Variants in IMMP2L observed in about 807,000 individuals in gnomAD.
The protein encoded by IMMP2L is inner mitochondrial membrane peptidase subunit 2, also known as mitochondrial inner membrane protease subunit 2.
Under a neutral mutation model 19.3 loss-of-function variants are expected in IMMP2L, and 18 were observed. The ratio of observed to expected loss-of-function variants is 0.93; its 90% CI spans 0.64 to 1.38. IMMP2L has a LOEUF of 1.38. IMMP2L is among the 40% of genes most tolerant of loss of function. The probability of loss-of-function intolerance (pLI) is 0.00; values close to 1 mark genes in which losing one functional copy is unlikely to be tolerated. For missense variants in IMMP2L, 233 were observed against 218.2 expected, an observed-to-expected ratio of 1.07 and a Z score of -0.43; for synonymous variants, 76 against 73.0, an observed-to-expected ratio of 1.04 and a Z score of -0.21.
chr7:111,480,928 C>A (rs567230776), intron 3 of IMMP2L, among the ~76,000 whole-genome samples: 2 of 152,134 alleles, frequency 1.3e-5, no homozygotes, highest in African/African-American at 2.4e-5. Flanking sequence ...GGTCAAGGAA[C>A]CTTTCAAGAT....
chr7:111,211,634 C>T (rs1811321306), intron 3 of IMMP2L, among the ~76,000 whole-genome samples: 1 of 152,106 alleles, frequency 6.6e-6, no homozygotes, highest in African/African-American at 2.4e-5. Flanking sequence ...TATTTGAACA[C>T]AAATTATCAC....
At chr7:111,285,657 A>C (rs904464407) in intron 3 of IMMP2L, among the ~76,000 whole-genome samples, 1 of 152,144 alleles carries the variant, frequency 6.6e-6, no homozygotes, top group Non-Finnish European at 1.5e-5. Flanking sequence ...GACCCTCACC[A>C]ATCAGAATTC....
chr7:110,816,206 C>T (rs1802501162), intron 5 of IMMP2L, among the ~76,000 whole-genome samples: 1 of 152,064 alleles, frequency 6.6e-6, no homozygotes, highest in African/African-American at 2.4e-5. Flanking sequence ...TTTATTTCTG[C>T]CTTCATTTCA....
chr7:110,866,558 C>T (rs928300668), intron 5 of IMMP2L, among the ~76,000 whole-genome samples: 4 of 152,034 alleles, frequency 2.6e-5, no homozygotes, highest in Admixed American at 1.3e-4. Flanking sequence ...CACTGTGAAA[C>T]CTCCCTAGTT....
At chr7:111,215,738 C>T (rs770411704) in intron 3 of IMMP2L, among the ~76,000 whole-genome samples, 3 of 152,112 alleles carry the variant, frequency 2.0e-5, no homozygotes, top group Admixed American at 1.3e-4. Context: ...TCAGAAACTT[C>T]TTTGCTCAAA....
chr7:110,847,840 C>A (rs1204628024), intron 5 of IMMP2L, among the ~76,000 whole-genome samples: 11 of 152,124 alleles, frequency 7.2e-5, no homozygotes, highest in Non-Finnish European at 1.6e-4. Context: ...GCTGGAACAA[C>A]AGGACATCCT....
At chr7:111,093,703 C>T (rs567293694) in intron 3 of IMMP2L, among the ~76,000 whole-genome samples, 3 of 152,130 alleles carry the variant, frequency 2.0e-5, no homozygotes, top group Non-Finnish European at 2.9e-5. Flanking sequence ...TCCAGGCCCC[C>T]GGTGTTGCCA....
intron 5 of IMMP2L, among the ~76,000 whole-genome samples, chr7:110,686,191 C>A (rs944747066): frequency 1.3e-5 from 2 of 152,022 alleles, no homozygotes; most frequent in Non-Finnish European, 2.9e-5. Context: ...TGATCAGTAC[C>A]TGCTAAAAAG....
At chr7:110,885,799 G>A (rs1042196656) in intron 5 of IMMP2L, among the ~76,000 whole-genome samples, 2 of 151,952 alleles carry the variant, frequency 1.3e-5, no homozygotes, top group African/African-American at 4.8e-5. Flanking sequence ...AATTTTTCAT[G>A]TGAAAGATGC....
intron 5 of IMMP2L, among the ~76,000 whole-genome samples, chr7:110,880,905 C>T (rs1422444687): frequency 6.6e-6 from 1 of 151,968 alleles, no homozygotes; most frequent in Non-Finnish European, 1.5e-5. Flanking sequence ...AAAATGAAAT[C>T]ATGTGGAAAA....
chr7:111,258,878 C>G (rs908763019), intron 3 of IMMP2L, among the ~76,000 whole-genome samples: 2 of 151,928 alleles, frequency 1.3e-5, no homozygotes, highest in Non-Finnish European at 2.9e-5. Flanking sequence ...ACTGAATGAC[C>G]ACTAAATGAG....
intron 3 of IMMP2L, among the ~76,000 whole-genome samples, chr7:111,283,992 A>AG (rs1207020927): frequency 6.6e-6 from 1 of 150,844 alleles, no homozygotes; most frequent in African/African-American, 2.4e-5. Flanking sequence ...AAAAAAAAAA[A>AG]AGAGACATGA....
intron 3 of IMMP2L, among the ~76,000 whole-genome samples, chr7:110,976,950 T>C (rs896892947): frequency 6.6e-6 from 1 of 152,016 alleles, no homozygotes; most frequent in Non-Finnish European, 1.5e-5. Context: ...ATATTTAATA[T>C]AAACCTGGAA....
chr7:111,257,486 T>G (rs938729186), intron 3 of IMMP2L, among the ~76,000 whole-genome samples: 1 of 152,180 alleles, frequency 6.6e-6, no homozygotes, highest in African/African-American at 2.4e-5. Context: ...TGGCACATAA[T>G]AATTCAGGCA....
rs1829379825 is a variant in IMMP2L at position 111,362,745 on chromosome 7, C to T, written c.239+124493G>A. ...CACTTTTTCAATACCAATACCAATA[C>T]CAATACTTCTAGCTAATCCTCTGCT... is the stretch of plus-strand genomic sequence containing the variant. On this transcript the variant is annotated intron_variant, in intron 3 of 5. Coordinates refer to ENST00000405709, the MANE Select transcript of IMMP2L (RefSeq NM_032549.4). Among the ~76,000 whole-genome samples, 2 of 152,054 alleles carry T rather than the reference C, an allele frequency of 1.3e-5. 1 individual carries two copies. The highest frequency in any genetic ancestry group is 4.1e-4 in the South Asian group (2 of 4,826).
intron 3 of IMMP2L, among the ~76,000 whole-genome samples, chr7:111,131,715 A>T (rs1464063890): frequency 6.6e-6 from 1 of 151,966 alleles, no homozygotes; most frequent in Non-Finnish European, 1.5e-5. Context: ...AATTTATGTG[A>T]TCCTCATGAA....
chr7:111,511,874 G>A (rs1428346511), intron 2 of IMMP2L, among the ~76,000 whole-genome samples: 1 of 152,132 alleles, frequency 6.6e-6, no homozygotes, highest in Non-Finnish European at 1.5e-5. Context: ...GATGGGGCAA[G>A]TAGGCCCTTC....
chr7:110,782,290 C>CA (rs1301618259), intron 5 of IMMP2L, among the ~76,000 whole-genome samples: 1 of 151,852 alleles, frequency 6.6e-6, no homozygotes, highest in Non-Finnish European at 1.5e-5. Flanking sequence ...TGAGACAATA[C>CA]ACATGACTAT....
At position 111,077,238 on chromosome 7, in the gene IMMP2L, G is replaced by T. The variant is rs551346209; in HGVS notation, c.240-113673C>A. On this transcript the variant is annotated intron_variant, in intron 3 of 5. Coordinates refer to ENST00000405709, the MANE Select transcript of IMMP2L (RefSeq NM_032549.4). ...GGAAATAAATGACTAGGGCTGATGA[G>T]GGCAAAGTTTTTTGTTTGGTTGGTT... 6.6e-5 allele frequency among the ~76,000 whole-genome samples: 10 copies of T among 152,334 alleles called. No homozygotes were observed. The South Asian group carries it at 2.1e-3, about 32-fold the overall frequency.
Sources: gnomAD v4.1 joint callset for allele counts (sites outside exome capture counted in the v4.1 genomes callset) on GRCh38, gnomAD v4.1.1 for gene constraint, MANE v1.5 for transcripts, NCBI Gene and HGNC (gene_info 2026-07-23, HGNC 2026-07-21) for gene names.